The following CERS6 variants were observed in gnomAD, a reference collection of about 807,000 sequenced individuals.
CERS6 encodes the protein LAG1 homolog, ceramide synthase 6.
Under a neutral mutation model 56.8 loss-of-function variants are expected in CERS6, and 26 were observed. The observed-to-expected ratio is 0.46, with a 90% CI of 0.34 to 0.63. The LOEUF is 0.63. CERS6 is among the 30% of genes least tolerant of loss of function. CERS6 has a pLI of 0.01. For missense variants in CERS6, 415 were observed against 467.5 expected (o/e 0.89, Z 1.04); for synonymous variants, 164 against 173.3 (o/e 0.95, Z 0.42).
At chr2:168,741,612 A>G (rs1043114748) in intron 8 of CERS6, among the ~76,000 whole-genome samples, 1 of 152,234 alleles carries the variant, frequency 6.6e-6, no homozygotes, top group African/African-American at 2.4e-5. Context: ...AGGTTGGACA[A>G]GCTCGAATTA....
At chr2:168,689,880 A>G (rs1053104059) in intron 4 of CERS6, among the ~76,000 whole-genome samples, 6 of 152,184 alleles carry the variant, frequency 3.9e-5, no homozygotes, top group African/African-American at 1.4e-4. Context: ...TAGTTTGATC[A>G]GACTCAGAGA....
At chr2:168,670,966 T>TCCCCCCC (rs35335379) in intron 4 of CERS6, among the ~76,000 whole-genome samples, 1 of 30,518 alleles carries the variant, frequency 3.3e-5, no homozygotes, top group Non-Finnish European at 1.3e-4. Context: ...GATACATGCT[T>TCCCCCCC]CCCCCCCCCC....
chr2:168,765,951 A>G (rs999856669), intron 9 of CERS6, among the ~76,000 whole-genome samples: 5 of 152,060 alleles, frequency 3.3e-5, no homozygotes, highest in African/African-American at 9.7e-5. Flanking sequence ...AATGATATGC[A>G]TTTGTAATTT....
In CERS6 at chr2:168,725,711, A is replaced by G. The variant is rs573090072; in HGVS notation, c.845+7733A>G. Among the ~76,000 whole-genome samples, 44 of 152,372 alleles carry G rather than the reference A, an allele frequency of 2.9e-4. No homozygotes were observed. In the South Asian group the frequency reaches 8.5e-3, roughly 29 times the overall value. On this transcript the variant is annotated intron_variant, in intron 8 of 9. Coordinates refer to ENST00000305747, the MANE Select transcript of CERS6 (RefSeq NM_203463.3). ...AAAGCTTCAATGGTATATATTGGAT[A>G]CATGTTGCACTACTATTATCAAACG...
intron 1 of CERS6, among the ~76,000 whole-genome samples, chr2:168,475,319 G>T (rs188920299): frequency 6.6e-6 from 1 of 151,966 alleles, no homozygotes; most frequent in Admixed American, 6.6e-5. Context: ...AAAGTAAATC[G>T]CAGCTATTAT....
intron 6 of CERS6, among the ~76,000 whole-genome samples, chr2:168,709,311 A>G (rs1208026564): frequency 6.6e-6 from 1 of 152,126 alleles, no homozygotes; most frequent in African/African-American, 2.4e-5. Context: ...TAAGGAAAAA[A>G]CAGCGTTAAC....
At chr2:168,645,269 CAAG>C (rs991337834) in intron 4 of CERS6, among the ~76,000 whole-genome samples, 4 of 148,182 alleles carry the variant, frequency 2.7e-5, no homozygotes, top group African/African-American at 9.9e-5. Flanking sequence ...CCACCTTACC[CAAG>C]AAGAATGACT....
chr2:168,710,521 T>G (rs1687063714), intron 6 of CERS6, among the ~76,000 whole-genome samples: 1 of 152,226 alleles, frequency 6.6e-6, no homozygotes, highest in Non-Finnish European at 1.5e-5. Context: ...CAGTTTAAAA[T>G]ATTAGTTGAA....
chr2:168,601,141 C>T (rs1683923625), intron 3 of CERS6, among the ~76,000 whole-genome samples: 1 of 152,168 alleles, frequency 6.6e-6, no homozygotes, highest in Admixed American at 6.5e-5. Flanking sequence ...GATAGATGTG[C>T]ACCATTTCAC....
intron 1 of CERS6, among the ~76,000 whole-genome samples, chr2:168,535,264 A>G (rs1695239379): frequency 6.6e-6 from 1 of 152,186 alleles, no homozygotes; most frequent in Non-Finnish European, 1.5e-5. Flanking sequence ...CAGTAGTCTT[A>G]AGCAGATTCC....
At chr2:168,592,469 G>C (rs1023672419) in intron 3 of CERS6, among the ~76,000 whole-genome samples, 3 of 152,172 alleles carry the variant, frequency 2.0e-5, no homozygotes, top group African/African-American at 7.2e-5. Context: ...GGCAGTCACT[G>C]AGGGTTTTGA....
intron 5 of CERS6, among the ~76,000 whole-genome samples, chr2:168,694,559 C>T (rs1456625898): frequency 6.6e-6 from 1 of 152,172 alleles, no homozygotes; most frequent in Non-Finnish European, 1.5e-5. Context: ...TACAGCATTC[C>T]AGTTCCTATC....
At chr2:168,577,823 G>A (rs146805406) in intron 3 of CERS6, among the ~76,000 whole-genome samples, 60 of 152,270 alleles carry the variant, frequency 3.9e-4, no homozygotes, top group African/African-American at 1.4e-3. Context: ...TTTGAGGAGT[G>A]GGGAGAAAGT....
intron 7 of CERS6, among the ~76,000 whole-genome samples, chr2:168,715,472 G>A (rs567926610): frequency 2.0e-5 from 3 of 151,996 alleles, no homozygotes; most frequent in African/African-American, 4.8e-5. Flanking sequence ...TTTGTAAAAC[G>A]CAGTTTAGTT....
At chr2:168,677,997 C>T (rs1686108521) in intron 4 of CERS6, among the ~76,000 whole-genome samples, 1 of 152,198 alleles carries the variant, frequency 6.6e-6, no homozygotes, top group South Asian at 2.1e-4. Context: ...CAATGAAATA[C>T]CATCTCATGC....
Position 168,679,236 on chromosome 2 carries a change from A to G in CERS6, c.466-11798A>G, listed in dbSNP as rs183758083. Reference sequence around the variant, plus strand: ...AAAGTTACAGTTAGATGGGGGGAATAAGTTCTGGGGCTCTATTGCAAAATA... The same window carrying G: ...AAAGTTACAGTTAGATGGGGGGAATGAGTTCTGGGGCTCTATTGCAAAATA... On this transcript the variant is annotated intron_variant, in intron 4 of 9. Coordinates refer to ENST00000305747, the MANE Select transcript of CERS6 (RefSeq NM_203463.3). Among the ~76,000 whole-genome samples, 674 of 152,292 alleles carry G rather than the reference A, an allele frequency of 4.4e-3. 1 individual carries two copies. Among genetic ancestry groups the G allele is most frequent in the Non-Finnish European group, 7.7e-3 (521 of 68,022 alleles).
intron 8 of CERS6, among the ~76,000 whole-genome samples, chr2:168,732,700 A>C (rs1050931282): frequency 6.6e-6 from 1 of 152,172 alleles, no homozygotes; most frequent in Non-Finnish European, 1.5e-5. Flanking sequence ...CCCATACCAG[A>C]CATAACTGAC....
chr2:168,675,505 G>T (rs540511297), intron 4 of CERS6, among the ~76,000 whole-genome samples: 2 of 152,052 alleles, frequency 1.3e-5, no homozygotes, highest in Non-Finnish European at 2.9e-5. Context: ...AGGATGGCTT[G>T]AGCCCAGGGG....
intron 4 of CERS6, among the ~76,000 whole-genome samples, chr2:168,649,384 C>T (rs371245295): frequency 2.0e-5 from 3 of 152,074 alleles, no homozygotes; most frequent in Non-Finnish European, 2.9e-5. Flanking sequence ...TCCATCTCAG[C>T]GTGAAGTCAA....
Sources: allele counts gnomAD v4.1 joint callset (sites outside exome capture counted in the v4.1 genomes callset), GRCh38; gene constraint gnomAD v4.1.1; transcripts MANE v1.5; gene names NCBI Gene and HGNC (gene_info 2026-07-23, HGNC 2026-07-21).